Variants in WNT3A observed in about 807,000 individuals in gnomAD.
WNT3A encodes Wnt family member 3A, also known as protein Wnt-3a.
WNT3A carries 17 observed loss-of-function variants against 37.0 expected under a neutral mutation model. The ratio of observed to expected loss-of-function variants is 0.46; its 90% confidence interval spans 0.31 to 0.69. WNT3A has a LOEUF of 0.69. Among genes scored for constraint, WNT3A ranks in the 30% least tolerant of loss-of-function variants. The pLI, the probability that WNT3A is intolerant of heterozygous loss-of-function variation, is 0.05. For synonymous variants in WNT3A, 187 were observed against 211.0 expected, an observed-to-expected ratio of 0.89 and a Z score of 0.99; for missense variants, 411 against 510.2, an observed-to-expected ratio of 0.81 and a Z score of 1.87.
rs542416689 is a variant in WNT3A at position 228,022,584 on chromosome 1, G to A, written c.72-83G>A. On this transcript the variant is annotated intron_variant, in intron 1 of 3. Coordinates refer to ENST00000284523, the MANE Select transcript of WNT3A (RefSeq NM_033131.4). ...GTCTCGCCCCCCGAATGCACTTGAGGCCCCAGAGCAAAGGGTCTGTAGCCT... is the reference window on the plus strand; with the variant it reads ...GTCTCGCCCCCCGAATGCACTTGAGACCCCAGAGCAAAGGGTCTGTAGCCT... 7 of 1,481,992 alleles carry A rather than the reference G, an allele frequency of 4.7e-6. No homozygotes were observed. In the East Asian group the frequency reaches 1.4e-4, roughly 30 times the overall value. 91.8% of individuals were successfully genotyped at this position (1,481,992 alleles called of 1,614,324 possible).
At position 228,008,499 on chromosome 1, in the gene WNT3A, C is replaced by A. The variant is rs371014606; in HGVS notation, c.71+1300C>A. Among the ~76,000 whole-genome samples, 3 of 152,192 alleles carry A rather than the reference C, an allele frequency of 2.0e-5. No individual in the cohort carries two copies. The highest frequency in any genetic ancestry group is 1.9e-4 in the East Asian group (1 of 5,184). ...GGGCCTGGAAGAGGCCACGAGGCCGCGGGGACGCGCTTCGGGGACCCCCGC... is the reference window on the plus strand; with the variant it reads ...GGGCCTGGAAGAGGCCACGAGGCCGAGGGGACGCGCTTCGGGGACCCCCGC... On this transcript the variant is annotated intron_variant, in intron 1 of 3. Transcript: ENST00000284523. This position sits in a 1 kb window ranked among gnomAD's most constrained non-coding sequence, Gnocchi z 4.9.
chr1:228,035,334 C>T (rs1021042423), intron 2 of WNT3A, among the ~76,000 whole-genome samples: 1 of 152,190 alleles, frequency 6.6e-6, no homozygotes, highest in African/African-American at 2.4e-5. Context: ...AAAGCAGAGA[C>T]ATGAACCTTG....
At chr1:228,030,566 G>A (rs2030978270) in intron 2 of WNT3A, among the ~76,000 whole-genome samples, 1 of 152,146 alleles carries the variant, frequency 6.6e-6, no homozygotes, top group South Asian at 2.1e-4. Flanking sequence ...CACTGAACCT[G>A]CCAGTGCCTT....
chr1:228,029,740 ACC>A (rs375574099), intron 2 of WNT3A, among the ~76,000 whole-genome samples: 2,153 of 106,074 alleles, frequency 0.02, 70 homozygotes, highest in African/African-American at 0.068. Flanking sequence ...GCTTGTGCCC[ACC>A]CCCCCCCCAA....
At chr1:228,016,694 G>A (rs1558284680) in intron 1 of WNT3A, among the ~76,000 whole-genome samples, 1 of 152,196 alleles carries the variant, frequency 6.6e-6, no homozygotes, top group Non-Finnish European at 1.5e-5. Context: ...AAGAAAAAAG[G>A]TTTAATTGGC....
At chr1:228,035,044 C>CTCTGCCACACAGCATATGCTTAGAAATGA (rs2031101361) in intron 2 of WNT3A, among the ~76,000 whole-genome samples, 1 of 152,166 alleles carries the variant, frequency 6.6e-6, no homozygotes, top group Admixed American at 6.5e-5. Flanking sequence ...CAGAGATGCA[C>CTCTGCCACACAGCATATGCTTAGAAATGA]TCTGCCACAC....
chr1:228,040,778 C>T (rs988060531), intron 2 of WNT3A, among the ~76,000 whole-genome samples: 6 of 150,712 alleles, frequency 4.0e-5, no homozygotes, highest in South Asian at 4.2e-4. Context: ...CCCAGCTACT[C>T]GGGAGGCTGA....
rs1235687556 is a variant in WNT3A, at chr1:228,055,167, AAAAAAAAAAAAAATATATAT to A, written c.580-3817_580-3798del. Among the ~76,000 whole-genome samples the A allele has an allele frequency of 5.4e-4, 36 of 67,010 alleles. 1 individual carries two copies. The East Asian group carries it at 9.3e-3, about 17-fold the overall frequency. The allele number at this position is 67,010 out of a possible 152,430, so 44.0% of individuals were successfully genotyped here. A position where few individuals can be genotyped will look rare whatever the true frequency, so the allele number is the denominator to read the frequency against. Reference sequence around the variant, plus strand: ...TTTGGAAACTCCGTCCCAAAAAAAAAAAAAAAAAAAAAATATATATATATATATATATATATATATATATA... The same window carrying A: ...TTTGGAAACTCCGTCCCAAAAAAAAAATATATATATATATATATATATATA... On this transcript the variant is annotated intron_variant, in intron 3 of 3. Coordinates refer to ENST00000284523, the MANE Select transcript of WNT3A (RefSeq NM_033131.4).
At chr1:228,052,537 A>C (rs2031576923) in intron 3 of WNT3A, among the ~76,000 whole-genome samples, 1 of 152,202 alleles carries the variant, frequency 6.6e-6, no homozygotes, top group Non-Finnish European at 1.5e-5. Flanking sequence ...AGATCAGTGG[A>C]TGGCCAAGGG....
chr1:228,059,558 T>TACTCCTCCCTGGGGGCGGG lies in WNT3A; in HGVS notation c.*109_*127dup. 9.9e-6 allele frequency: 14 copies of TACTCCTCCCTGGGGGCGGG among 1,410,636 alleles called. No individual in the cohort carries two copies. Among genetic ancestry groups the TACTCCTCCCTGGGGGCGGG allele is most frequent in the Admixed American group, 6.3e-5 (2 of 31,908 alleles). 87.4% of individuals were successfully genotyped at this position (1,410,636 alleles called of 1,614,324 possible). Reference sequence around the variant, plus strand: ...CAGGACTCCCACCTAAACGGGGCAGTACTCCTCCCTGGGGGCGGGACTCCT... The same window carrying TACTCCTCCCTGGGGGCGGG: ...CAGGACTCCCACCTAAACGGGGCAGTACTCCTCCCTGGGGGCGGGACTCCTCCCTGGGGGCGGGACTCCT... On this transcript the variant is annotated 3_prime_UTR_variant, in exon 4 of 4. Transcript: ENST00000284523.
rs762007827 is a variant in WNT3A, at chr1:228,060,209, G to C, written c.*744G>C. ...AAGGCGTGGCTTCTGCAGGAATCCC[G>C]GCTCCAGAGCAGGAAATTCAGCCCA... On this transcript the variant is annotated 3_prime_UTR_variant, in exon 4 of 4. Transcript: ENST00000284523. 1 of 1,351,618 alleles carries C rather than the reference G, an allele frequency of 7.4e-7. No homozygotes were observed. Among genetic ancestry groups the C allele is most frequent in the Non-Finnish European group, 9.8e-7 (1 of 1,021,526 alleles). The allele number at this position is 1,351,618 out of a possible 1,614,324, so 83.7% of individuals were successfully genotyped here.
intron 2 of WNT3A, among the ~76,000 whole-genome samples, chr1:228,024,765 G>A (rs2030812355): frequency 6.6e-6 from 1 of 152,094 alleles, no homozygotes; most frequent in African/African-American, 2.4e-5. Context: ...AAACCTAATA[G>A]TTTATCTTTT....
At chr1:228,040,585 T>TA (rs1305651211) in intron 2 of WNT3A, among the ~76,000 whole-genome samples, 7 of 152,112 alleles carry the variant, frequency 4.6e-5, no homozygotes, top group Admixed American at 4.6e-4. Context: ...GTTCAACGTT[T>TA]AAGAATTTGG....
intron 3 of WNT3A, among the ~76,000 whole-genome samples, chr1:228,055,076 G>A (rs1434018516): frequency 1.4e-5 from 2 of 146,688 alleles, no homozygotes; most frequent in Non-Finnish European, 3.0e-5. Flanking sequence ...GGAGGTTGTG[G>A]TGAGCTGAGA....
rs2031519168 is a variant in WNT3A, at chr1:228,050,496, A to C, written c.314-160A>C. On this transcript the variant is annotated intron_variant, in intron 2 of 3. Coordinates refer to ENST00000284523, the MANE Select transcript of WNT3A (RefSeq NM_033131.4). This position sits in a 1 kb window ranked among gnomAD's most constrained non-coding sequence, Gnocchi z 5.0. ...AGTTGCTGGAGCCATGCTTCTGTGT[A>C]GCCTGTAGATCCGTGAACCAAGTAA... 6.6e-6 allele frequency among the ~76,000 whole-genome samples: 1 copy of C among 152,184 alleles called. No homozygotes were observed. The highest frequency in any genetic ancestry group is 6.5e-5 in the Admixed American group (1 of 15,270).
chr1:228,028,292 ATTT>A (rs56294253), intron 2 of WNT3A, among the ~76,000 whole-genome samples: 19,767 of 120,218 alleles, frequency 0.16, 1,527 homozygotes, highest in Middle Eastern at 0.24. Context: ...GTTACATATA[ATTT>A]TTTTTTTTTT....
intron 2 of WNT3A, among the ~76,000 whole-genome samples, chr1:228,043,961 T>G (rs1026062561): frequency 6.6e-6 from 1 of 152,070 alleles, no homozygotes. Flanking sequence ...AGGACATTTT[T>G]TAACTTTTTA....
rs563154586 is a variant in WNT3A at position 228,020,949 on chromosome 1, C to T, written c.72-1718C>T. Among the ~76,000 whole-genome samples the T allele has an allele frequency of 1.2e-4, 18 of 152,272 alleles. 1 individual carries two copies. The highest frequency in any genetic ancestry group is 3.4e-4 in the African/African-American group (14 of 41,562). ...GACTGGTTGGATCCAGTGGACACATCGACAGGTGGTCATAAGCATAAGGAA... is the reference window on the plus strand; with the variant it reads ...GACTGGTTGGATCCAGTGGACACATTGACAGGTGGTCATAAGCATAAGGAA... On this transcript the variant is annotated intron_variant, in intron 1 of 3. Coordinates refer to ENST00000284523, the MANE Select transcript of WNT3A (RefSeq NM_033131.4).
At chr1:228,012,062 C>T (rs972566836) in intron 1 of WNT3A, among the ~76,000 whole-genome samples, 3 of 152,236 alleles carry the variant, frequency 2.0e-5, no homozygotes, top group East Asian at 1.9e-4. Context: ...ATGTTTGCTT[C>T]GCATAAGCCT....
Sources: allele counts gnomAD v4.1 joint callset (sites outside exome capture counted in the v4.1 genomes callset), GRCh38; gene constraint gnomAD v4.1.1; non-coding constraint Gnocchi (gnomAD v3.1); transcripts MANE v1.5; gene names NCBI Gene and HGNC (gene_info 2026-07-23, HGNC 2026-07-21).